IHO1: variants seen among roughly 807,000 people sequenced by gnomAD.
IHO1 encodes interactor of HORMAD1 1, also known as interactor of HORMAD1 protein 1.
A neutral mutation model predicts 31.0 loss-of-function variants in IHO1; 13 were observed. The observed-to-expected ratio is 0.42, with a 90% CI of 0.27 to 0.67. IHO1 has a LOEUF of 0.67. Ranked by LOEUF, IHO1 falls within the 30% of genes least tolerant of loss-of-function variation. IHO1 has a pLI of 0.24. For missense variants in IHO1, 599 were observed against 687.5 expected (o/e 0.87, Z 1.44); for synonymous variants, 221 against 248.4 (o/e 0.89, Z 1.04).
chr3:49,222,211 T>A (rs150463669), intron 2 of IHO1, among the ~76,000 whole-genome samples: 2 of 152,184 alleles, frequency 1.3e-5, no homozygotes, highest in Non-Finnish European at 2.9e-5. Flanking sequence ...ACCCTATAAG[T>A]AGGGGTATTA....
rs200393045 is a variant in IHO1, at chr3:49,244,627, A to C, written c.445-19A>C. On this transcript the variant is annotated intron_variant, in intron 5 of 7. Coordinates refer to ENST00000452691, the MANE Select transcript of IHO1 (RefSeq NM_001135197.2). ...AAGGCAATAGCCTGTGAATTATTTC[A>C]TAATTTTGGGTTTCTTAGTTGCAGA... is the stretch of plus-strand genomic sequence containing the variant. The C allele has an allele frequency of 1.2e-4, 188 of 1,603,844 alleles. 1 individual carries two copies. The East Asian group carries it at 4.2e-3, about 35-fold the overall frequency.
At chr3:49,237,887 CTTTTTTTTTT>C (rs574951773) in intron 3 of IHO1, among the ~76,000 whole-genome samples, 44 of 51,442 alleles carry the variant, frequency 8.6e-4, no homozygotes, top group Admixed American at 3.5e-3. Context: ...CTGTCTTTTC[CTTTTTTTTTT>C]TTTTTTTTTT....
At position 49,215,119 on chromosome 3, in the gene IHO1, C is replaced by T. The variant is rs534688938; in HGVS notation, c.56+3283C>T. 3.8e-4 allele frequency among the ~76,000 whole-genome samples: 57 copies of T among 151,258 alleles called. No homozygotes were observed. In the South Asian group the frequency reaches 6.9e-3, roughly 18 times the overall value. ...AGGCTGGAGTTTAGTGGCACGATCT[C>T]GGCTCACTGCAACCTCTGCCTCCCA... On this transcript the variant is annotated intron_variant, in intron 2 of 7. Transcript: ENST00000452691.
intron 2 of IHO1, among the ~76,000 whole-genome samples, chr3:49,215,622 A>C (rs2046278411): frequency 6.6e-6 from 1 of 152,196 alleles, no homozygotes; most frequent in African/African-American, 2.4e-5. Flanking sequence ...AGTATTACCA[A>C]GGAAGAAGGC....
intron 4 of IHO1, among the ~76,000 whole-genome samples, chr3:49,242,925 G>A (rs1412877721): frequency 6.6e-6 from 1 of 152,048 alleles, no homozygotes; most frequent in Non-Finnish European, 1.5e-5. Context: ...AGGTTCAGGG[G>A]TATATGTGCA....
At chr3:49,248,239 G>A (rs1437509208) in intron 6 of IHO1, among the ~76,000 whole-genome samples, 2 of 151,590 alleles carry the variant, frequency 1.3e-5, no homozygotes, top group Non-Finnish European at 2.9e-5. Context: ...TGGCTAACAC[G>A]GTGAAACCCC....
At chr3:49,211,006 GTTTTT>G (rs59697636) in intron 1 of IHO1, among the ~76,000 whole-genome samples, 1 of 116,712 alleles carries the variant, frequency 8.6e-6, no homozygotes. Context: ...TCTCCATTTA[GTTTTT>G]TTTTTTTTTT....
rs1286545761 is a variant in IHO1, at chr3:49,241,278, G to A, written c.284G>A (p.Gly95Glu). ...CAGACAAAGCCCCAGCTGTTCGGAG[G>A]AGATATAAAAGATGGAGGTTTATTT... is the stretch of plus-strand genomic sequence containing the variant. ...KYQTKPQLFG[G>E]DIKDGGLFPP... The change falls in exon 4 of 8, where the codon GGA becomes GAA. Residue 95 changes from glycine to glutamate, a missense_variant. Coordinates refer to ENST00000452691, the MANE Select transcript of IHO1 (RefSeq NM_001135197.2). 8.7e-6 allele frequency: 14 copies of A among 1,613,860 alleles called. No homozygotes were observed. The highest frequency in any genetic ancestry group is 3.3e-4 in the Middle Eastern group (2 of 6,060).
intron 1 of IHO1, among the ~76,000 whole-genome samples, chr3:49,200,788 G>A (rs1480580953): frequency 6.6e-6 from 1 of 152,140 alleles, no homozygotes; most frequent in Non-Finnish European, 1.5e-5. Context: ...TTCCACCTTA[G>A]AACGAATACC....
intron 1 of IHO1, among the ~76,000 whole-genome samples, chr3:49,209,191 G>C (rs970904067): frequency 6.6e-6 from 1 of 152,180 alleles, no homozygotes; most frequent in Non-Finnish European, 1.5e-5. Context: ...GGAGTTGCTG[G>C]TTTCATTCTC....
chr3:49,257,241 T>C lies in IHO1; in HGVS notation c.1744T>C (p.Tyr582His). The C allele has an allele frequency of 6.2e-7, 1 of 1,614,174 alleles. No homozygotes were observed. Among genetic ancestry groups the C allele is most frequent in the Non-Finnish European group, 8.5e-7 (1 of 1,180,014 alleles). The change falls in exon 8 of 8, where the codon TAT (tyrosine) becomes CAT (histidine). Residue 582 changes from tyrosine (Y) to histidine (H), a missense_variant. By Grantham distance (83) the Tyr-to-His change is moderately conservative (BLOSUM62 2). Coordinates refer to ENST00000452691, the MANE Select transcript of IHO1 (RefSeq NM_001135197.2). ...CAAGGAGGCAGGAAAGAATTTGCTC[T>C]ATGACCTGGGTTTTGATAGCAGTGA... ...LCKEAGKNLL[Y>H]DLGFDSSDDD...
intron 6 of IHO1, among the ~76,000 whole-genome samples, chr3:49,254,370 G>A (rs1000045735): frequency 2.0e-5 from 3 of 152,066 alleles, no homozygotes; most frequent in African/African-American, 4.8e-5. Flanking sequence ...TTAGCACCTA[G>A]GTCCCCAAGT....
intron 1 of IHO1, among the ~76,000 whole-genome samples, chr3:49,208,633 C>T (rs1217585065): frequency 6.6e-6 from 1 of 152,206 alleles, no homozygotes; most frequent in Non-Finnish European, 1.5e-5. Context: ...AGTTTGCTTT[C>T]CATCCTGAGA....
intron 2 of IHO1, among the ~76,000 whole-genome samples, chr3:49,231,290 A>G (rs2046479022): frequency 6.6e-6 from 1 of 152,220 alleles, no homozygotes; most frequent in African/African-American, 2.4e-5. Flanking sequence ...CTTTGTGAGT[A>G]TTCTCGATAA....
chr3:49,236,570 A>G lies in IHO1; in HGVS notation c.79A>G (p.Asn27Asp), dbSNP rs766452486. Residue 27 changes from asparagine (N) to aspartate (D), a missense_variant, in exon 3 of 8, where the codon AAT becomes GAT. By Grantham distance (23) the Asn-to-Asp change is conservative (BLOSUM62 1). Coordinates refer to ENST00000452691, the MANE Select transcript of IHO1 (RefSeq NM_001135197.2). ...CAGGAACAAGAAGTCATCCAACTGG[A>G]ATAATAATCAAAATGATTATTCCAG... Reference protein sequence around the residue: ...GSGNKKSSNWNNNQNDYSSLS... With the variant: ...GSGNKKSSNWDNNQNDYSSLS... The G allele has an allele frequency of 1.2e-6, 2 of 1,610,768 alleles. No individual in the cohort carries two copies. The highest frequency in any genetic ancestry group is 2.2e-5 in the South Asian group (2 of 90,744).
upstream of IHO1, chr3:49,198,737 T>C (rs1391335245): frequency 6.6e-6 from 1 of 152,324 alleles, no homozygotes; most frequent in Non-Finnish European, 1.5e-5. Flanking sequence ...GTCTCAAGCA[T>C]GTTTTTTGCT....
chr3:49,215,571 C>T (rs1341013113), intron 2 of IHO1, among the ~76,000 whole-genome samples: 1 of 152,178 alleles, frequency 6.6e-6, no homozygotes, highest in Non-Finnish European at 1.5e-5. Flanking sequence ...CAGTCTAGGT[C>T]CTGCTGCTCG....
intron 4 of IHO1, among the ~76,000 whole-genome samples, chr3:49,242,549 A>T (rs929912028): frequency 6.6e-6 from 1 of 152,178 alleles, no homozygotes; most frequent in Admixed American, 6.5e-5. Flanking sequence ...ATATTCAAGT[A>T]ATGTTACACT....
At chr3:49,226,964 T>G (rs140849097) in intron 2 of IHO1, among the ~76,000 whole-genome samples, 47 of 152,216 alleles carry the variant, frequency 3.1e-4, no homozygotes, top group Non-Finnish European at 4.9e-4. Context: ...CTTTGGAGAT[T>G]TCTTTGCTTG....
Sources: allele counts gnomAD v4.1 joint callset (sites outside exome capture counted in the v4.1 genomes callset), GRCh38; gene constraint gnomAD v4.1.1; transcripts MANE v1.5; gene names NCBI Gene and HGNC (gene_info 2026-07-23, HGNC 2026-07-21).